TBC1D22A: variants seen among roughly 807,000 people sequenced by gnomAD.
The protein encoded by TBC1D22A is putative GTPase activator.
Under a neutral mutation model 60.2 loss-of-function variants are expected in TBC1D22A, and 38 were observed. The observed-to-expected ratio is 0.63, with a 90% CI of 0.49 to 0.83. The LOEUF (loss-of-function observed/expected upper bound fraction) is 0.83, where lower values mean the gene tolerates loss of function less well. Ranked by LOEUF, TBC1D22A falls within the 40% of genes least tolerant of loss-of-function variation. The probability of loss-of-function intolerance (pLI) is 0.00; values close to 1 mark genes in which losing one functional copy is unlikely to be tolerated. For synonymous variants in TBC1D22A, 302 were observed against 281.7 expected, an observed-to-expected ratio of 1.07 and a Z score of -0.72; for missense variants, 628 against 701.0, an observed-to-expected ratio of 0.90 and a Z score of 1.18.
At chr22:46,863,646 G>GT (rs1348848242) in intron 4 of TBC1D22A, among the ~76,000 whole-genome samples, 1 of 152,140 alleles carries the variant, frequency 6.6e-6, no homozygotes, top group Non-Finnish European at 1.5e-5. Flanking sequence ...CCATAATAGG[G>GT]TTTTAAAAGT....
intron 11 of TBC1D22A, among the ~76,000 whole-genome samples, chr22:47,054,716 G>A (rs575152590): frequency 6.6e-6 from 1 of 152,222 alleles, no homozygotes; most frequent in South Asian, 2.1e-4. Flanking sequence ...GGCCGGTGGT[G>A]GGCGCCTGGG....
intron 11 of TBC1D22A, among the ~76,000 whole-genome samples, chr22:47,043,712 A>C (rs946590788): frequency 7.2e-5 from 11 of 152,020 alleles, no homozygotes; most frequent in Non-Finnish European, 1.2e-4. Flanking sequence ...GTCCTCCCAT[A>C]GGGCATAGAG....
chr22:46,818,702 A>G (rs2085702641), intron 4 of TBC1D22A, among the ~76,000 whole-genome samples: 1 of 152,184 alleles, frequency 6.6e-6, no homozygotes, highest in African/African-American at 2.4e-5. Flanking sequence ...TCTTTTTGCT[A>G]GGATTGTCTT....
In TBC1D22A at chr22:46,766,263, CT is replaced by C. The variant is rs1473332686; in HGVS notation, c.62+3416del. On this transcript the variant is annotated intron_variant, in intron 1 of 12. Coordinates refer to ENST00000337137, the MANE Select transcript of TBC1D22A (RefSeq NM_014346.5). ...CCTCCTGCCTCGGTCTCCCAACGTG[CT>C]GGGATTACAGGCTTGAGCCACTGTG... 7.2e-5 allele frequency among the ~76,000 whole-genome samples: 11 copies of C among 152,284 alleles called. No individual in the cohort carries two copies. The East Asian group carries it at 1.9e-3, about 27-fold the overall frequency.
intron 8 of TBC1D22A, among the ~76,000 whole-genome samples, chr22:46,936,333 C>T (rs527378878): frequency 6.6e-6 from 1 of 152,010 alleles, no homozygotes; most frequent in South Asian, 2.1e-4. Context: ...TTCTGCACGC[C>T]CTCGTCCTGG....
At chr22:46,993,733 C>T (rs1376073094) in intron 9 of TBC1D22A, among the ~76,000 whole-genome samples, 1 of 152,224 alleles carries the variant, frequency 6.6e-6, no homozygotes, top group Non-Finnish European at 1.5e-5. Context: ...GGACAGGCTG[C>T]TGCGAGGGCC....
chr22:47,001,051 C>A lies in TBC1D22A; in HGVS notation c.1201+3342C>A, dbSNP rs1229861491. 2.0e-5 allele frequency among the ~76,000 whole-genome samples: 3 copies of A among 152,158 alleles called. No individual in the cohort carries two copies. In the South Asian group the frequency reaches 6.2e-4, roughly 32 times the overall value. ...CGCCTCATGTAGTGCCTGCATCCAA[C>A]CCGATTAGTCAGGATAGGGATCTGA... On this transcript the variant is annotated intron_variant, in intron 10 of 12. Coordinates refer to ENST00000337137, the MANE Select transcript of TBC1D22A (RefSeq NM_014346.5).
Position 47,159,378 on chromosome 22 carries a change from CACAG to C in TBC1D22A, c.1426-14116_1426-14113del, listed in dbSNP as rs1240879859. Among the ~76,000 whole-genome samples the C allele has an allele frequency of 4.6e-5, 6 of 131,614 alleles. 1 individual carries two copies. The highest frequency in any genetic ancestry group is 7.4e-3 in the Middle Eastern group (2 of 270). The allele number at this position is 131,614 out of a possible 152,430, so 86.3% of individuals were successfully genotyped here. ...CAAAGCACATACACTCATGTATACA[CACAG>C]ACACACCACACACCACACTCTCACC... On this transcript the variant is annotated intron_variant, in intron 12 of 12. Transcript: ENST00000337137.
At chr22:46,861,617 C>G (rs961695362) in intron 4 of TBC1D22A, among the ~76,000 whole-genome samples, 1 of 152,224 alleles carries the variant, frequency 6.6e-6, no homozygotes, top group Non-Finnish European at 1.5e-5. Context: ...CCTGGGCCAG[C>G]GGTGCCCATG....
Position 47,000,719 on chromosome 22 carries a change from A to G in TBC1D22A, c.1201+3010A>G, listed in dbSNP as rs561155916. Among the ~76,000 whole-genome samples the G allele has an allele frequency of 2.6e-5, 4 of 152,282 alleles. No homozygotes were observed. The South Asian group carries it at 6.2e-4, about 24-fold the overall frequency. The stretch of plus-strand genomic sequence containing the variant: ...AGCCACTGAATTTGGAGTGAAAGAA[A>G]AAGGTGAGAGTAGGAGGAACGTGCG... On this transcript the variant is annotated intron_variant, in intron 10 of 12. Transcript: ENST00000337137.
At chr22:47,131,673 G>T (rs1013578780) in intron 12 of TBC1D22A, among the ~76,000 whole-genome samples, 1 of 152,216 alleles carries the variant, frequency 6.6e-6, no homozygotes, top group East Asian at 1.9e-4. Context: ...CTGACAGTGG[G>T]GGTCAGAGCC....
intron 11 of TBC1D22A, among the ~76,000 whole-genome samples, chr22:47,090,901 A>G (rs1603256876): frequency 1.3e-5 from 1 of 74,696 alleles, no homozygotes; most frequent in African/African-American, 5.6e-5. Context: ...AGGCAGGAGA[A>G]GTCGTCTTTG....
chr22:47,004,301 A>T (rs1374225464), intron 10 of TBC1D22A, among the ~76,000 whole-genome samples: 1 of 147,432 alleles, frequency 6.8e-6, no homozygotes, highest in South Asian at 2.2e-4. Flanking sequence ...ATCCTCATAC[A>T]TACACAACCC....
intron 11 of TBC1D22A, among the ~76,000 whole-genome samples, chr22:47,110,760 GA>G (rs557998755): frequency 6.6e-5 from 10 of 152,344 alleles, no homozygotes; most frequent in Non-Finnish European, 1.5e-4. Flanking sequence ...GGAGTTTGGG[GA>G]ACCCTCAGTC....
rs2083738718 is a variant in TBC1D22A at position 46,777,120 on chromosome 22, A to G, written c.62+14272A>G. Among the ~76,000 whole-genome samples, 1 of 152,102 alleles carries G rather than the reference A, an allele frequency of 6.6e-6. No homozygotes were observed. The highest frequency in any genetic ancestry group is 1.5e-5 in the Non-Finnish European group (1 of 68,012). On this transcript the variant is annotated intron_variant, in intron 1 of 12. Transcript: ENST00000337137. This position sits in a 1 kb window ranked among gnomAD's most constrained non-coding sequence, Gnocchi z 4.5. Reference sequence around the variant, plus strand: ...GAGACGTGGGTGGGTGGTGTGCTTCAGGGAGGAGACGAGGCTGACCCTCCT... The same window carrying G: ...GAGACGTGGGTGGGTGGTGTGCTTCGGGGAGGAGACGAGGCTGACCCTCCT...
intron 4 of TBC1D22A, among the ~76,000 whole-genome samples, chr22:46,831,352 C>T (rs752122073): frequency 6.6e-6 from 1 of 152,032 alleles, no homozygotes; most frequent in Non-Finnish European, 1.5e-5. Flanking sequence ...TTGTGGGAAC[C>T]GAGGCCCACA....
intron 11 of TBC1D22A, among the ~76,000 whole-genome samples, chr22:47,058,251 C>T (rs2063461631): frequency 6.6e-6 from 1 of 152,144 alleles, no homozygotes; most frequent in Non-Finnish European, 1.5e-5. Context: ...GGGCTGGCCT[C>T]CTCCCCATGC....
intron 12 of TBC1D22A, among the ~76,000 whole-genome samples, chr22:47,119,952 C>T (rs2066212387): frequency 1.3e-5 from 2 of 152,150 alleles, no homozygotes; most frequent in Admixed American, 6.5e-5. Flanking sequence ...CTGGGCGCTC[C>T]CATCAGCCTC....
intron 6 of TBC1D22A, 85 bp from the exon 7 acceptor site, chr22:46,894,699 C>G (rs561260945): frequency 9.2e-6 from 14 of 1,519,220 alleles, no homozygotes; most frequent in Admixed American, 3.3e-5. Context: ...GAAGGACTTA[C>G]CTCAGTATTG....
Sources: gnomAD v4.1 joint callset for allele counts (sites outside exome capture counted in the v4.1 genomes callset) on GRCh38, gnomAD v4.1.1 for gene constraint, Gnocchi (gnomAD v3.1) non-coding constraint, MANE v1.5 for transcripts, NCBI Gene and HGNC (gene_info 2026-07-23, HGNC 2026-07-21) for gene names.